FAM53A: variants seen among roughly 807,000 people sequenced by gnomAD.
FAM53A encodes the protein family with sequence similarity 53 member A.
In FAM53A, 28 loss-of-function variants were observed where a neutral mutation model predicts 26.6. The ratio of observed to expected loss-of-function variants is 1.05; its 90% CI spans 0.78 to 1.45. The LOEUF is 1.45. FAM53A is among the 40% of genes most tolerant of loss of function. FAM53A has a pLI of 0.00. For synonymous variants in FAM53A, 290 were observed against 253.1 expected (o/e 1.15, Z -1.38); for missense variants, 650 against 575.8 (o/e 1.13, Z -1.32).
At chr4:1,609,429 C>G in the FAM53A span, among the ~76,000 whole-genome samples, 1 of 152,030 alleles carries the variant, frequency 6.6e-6, no homozygotes, top group Non-Finnish European at 1.5e-5. Flanking sequence ...TTGTAACTCC[C>G]ATAATCTCCA....
At chr4:1,580,791 CAGGCCCCGCCTCCCACTCA>C in the FAM53A span, among the ~76,000 whole-genome samples, 4 of 137,206 alleles carry the variant, frequency 2.9e-5, no homozygotes, top group African/African-American at 8.4e-5. Flanking sequence ...GCCTCCCACC[CAGGCCCCGCCTCCCACTCA>C]AGGCCCCGCC....
intron 4 of FAM53A, chr4:1,644,248 G>A (rs757367301): frequency 4.6e-6 from 7 of 1,535,864 alleles, no homozygotes; most frequent in East Asian, 2.4e-5. Context: ...ATTCAGAGTC[G>A]ACCCTCTGGA....
At chr4:1,633,890 G>C (rs1224612906) in intron 1 of FAM53A, among the ~76,000 whole-genome samples, 1 of 152,160 alleles carries the variant, frequency 6.6e-6, no homozygotes, top group Non-Finnish European at 1.5e-5. Flanking sequence ...AAAGAGAAAA[G>C]GGGGCATGAC....
the FAM53A span, among the ~76,000 whole-genome samples, chr4:1,601,234 G>GAGGT: frequency 8.3e-6 from 1 of 119,856 alleles, no homozygotes; most frequent in Non-Finnish European, 2.0e-5. Flanking sequence ...GCAACAGGTC[G>GAGGT]GACACCCACC....
intron 1 of FAM53A, among the ~76,000 whole-genome samples, chr4:1,631,292 C>CA (rs2108774611): frequency 1.3e-5 from 2 of 152,308 alleles, no homozygotes; most frequent in South Asian, 4.1e-4. Flanking sequence ...GAGGCAGCCC[C>CA]AGGCCTGCTG....
At chr4:1,681,743 T>C (rs1002912533) in intron 1 of FAM53A, among the ~76,000 whole-genome samples, 1 of 151,904 alleles carries the variant, frequency 6.6e-6, no homozygotes, top group African/African-American at 2.4e-5. Flanking sequence ...GCTCAAGTGA[T>C]CCTCCTGCCT....
chr4:1,646,117 T>C (rs1321962671), intron 4 of FAM53A, among the ~76,000 whole-genome samples: 1 of 152,112 alleles, frequency 6.6e-6, no homozygotes, highest in East Asian at 1.9e-4. Context: ...TTTTTTTTTT[T>C]TGAGACGGAG....
intron 4 of FAM53A, chr4:1,645,097 G>A (rs895703005): frequency 2.6e-5 from 4 of 152,760 alleles, no homozygotes; most frequent in South Asian, 2.1e-4. Context: ...AGTCAAGGGT[G>A]GGGGGTGCTC....
intron 1 of FAM53A, 34 bp downstream of exon 1, chr4:1,684,199 G>C (rs1014085096): frequency 6.6e-6 from 1 of 151,706 alleles, no homozygotes; most frequent in African/African-American, 2.4e-5. Context: ...CAAGAGAGGA[G>C]GGGGCGGCGG....
At chr4:1,638,932 C>T (rs1033069685), downstream of FAM53A, among the ~76,000 whole-genome samples, 6 of 152,320 alleles carry the variant, frequency 3.9e-5, no homozygotes, top group African/African-American at 7.2e-5. Flanking sequence ...GAGGGGACGC[C>T]GGGTGGACTC....
chr4:1,577,935 G>A, the FAM53A span, among the ~76,000 whole-genome samples: 1 of 151,100 alleles, frequency 6.6e-6, no homozygotes, highest in Non-Finnish European at 1.5e-5. Context: ...GGCTGCGGGG[G>A]TGCAGGTGGG....
the FAM53A span, among the ~76,000 whole-genome samples, chr4:1,582,468 G>A: frequency 2.1e-4 from 32 of 152,344 alleles, no homozygotes; most frequent in African/African-American, 6.7e-4. Context: ...GAGAGTGGAC[G>A]GGAGGCCCTG....
chr4:1,604,916 G>A, the FAM53A span, among the ~76,000 whole-genome samples: 1 of 152,058 alleles, frequency 6.6e-6, no homozygotes, highest in Non-Finnish European at 1.5e-5. Context: ...AACTCCCCAA[G>A]GCTCTGGCCC....
chr4:1,679,541 C>G (rs1447980663), intron 1 of FAM53A, among the ~76,000 whole-genome samples: 2 of 150,952 alleles, frequency 1.3e-5, no homozygotes, highest in Non-Finnish European at 2.9e-5. Context: ...CAAAAATTAG[C>G]CTGGCGTGGT....
chr4:1,668,985 C>T (rs967667045), intron 1 of FAM53A, 80 bp from the exon 2 acceptor site: 11 of 494,552 alleles, frequency 2.2e-5, no homozygotes, highest in African/African-American at 1.6e-4. Context: ...TGTTGGGTCC[C>T]CTCTGTATAA....
intron 4 of FAM53A, among the ~76,000 whole-genome samples, chr4:1,643,275 G>A (rs1711911197): frequency 6.6e-6 from 1 of 152,012 alleles, no homozygotes; most frequent in Non-Finnish European, 1.5e-5. Flanking sequence ...GACCATCCTG[G>A]CTAACACGGT....
the FAM53A span, among the ~76,000 whole-genome samples, chr4:1,602,621 G>C: frequency 6.6e-6 from 1 of 152,206 alleles, no homozygotes; most frequent in Non-Finnish European, 1.5e-5. Flanking sequence ...TTCAAAGCTG[G>C]GGGGAGAGAA....
the FAM53A span, among the ~76,000 whole-genome samples, chr4:1,586,789 A>AAG: frequency 6.6e-6 from 1 of 150,872 alleles, no homozygotes; most frequent in Non-Finnish European, 1.5e-5. Flanking sequence ...TCTCAAAAAA[A>AAG]AAAAAAAAAG....
rs114550200 is a variant in FAM53A at position 1,656,918 on chromosome 4, C to T, written c.136+490G>A. On this transcript the variant is annotated intron_variant, in intron 3 of 4. Transcript: ENST00000308132. ...ACCCCAGGGTTACCTGGCCCGTGAACACCAGCCAGCCTCCATACTCGGGGC... is the reference window on the plus strand; with the variant it reads ...ACCCCAGGGTTACCTGGCCCGTGAATACCAGCCAGCCTCCATACTCGGGGC... Among the ~76,000 whole-genome samples, 987 of 152,254 alleles carry T rather than the reference C, an allele frequency of 6.5e-3. 11 individuals are homozygous for T. Among genetic ancestry groups the T allele is most frequent in the African/African-American group, 0.022 (928 of 41,556 alleles).
Sources: gnomAD v4.1 joint callset for allele counts (sites outside exome capture counted in the v4.1 genomes callset) on GRCh38, gnomAD v4.1.1 for gene constraint, MANE v1.5 for transcripts, NCBI Gene and HGNC (gene_info 2026-07-23, HGNC 2026-07-21) for gene names.